SMARCAD1: variants seen among roughly 807,000 people sequenced by gnomAD.
SMARCAD1 encodes the protein SNF2 related chromatin remodeling ATPase with DExD box 1.
A neutral mutation model predicts 127.1 loss-of-function variants in SMARCAD1; 25 were observed. The observed-to-expected ratio is 0.20, with a 90% CI of 0.14 to 0.27. SMARCAD1 has a LOEUF of 0.27. Among genes scored for constraint, SMARCAD1 ranks in the 10% least tolerant of loss-of-function variants. SMARCAD1 has a pLI of 1.00. For missense variants in SMARCAD1, 807 were observed against 1,206.0 expected (o/e 0.67, Z 4.90); for synonymous variants, 400 against 396.9 (o/e 1.01, Z -0.09).
chr4:94,280,528 C>G, intron 19 of SMARCAD1, 64 bp from the exon 20 acceptor site: 289 of 1,326,026 alleles, frequency 2.2e-4, no homozygotes, highest in Non-Finnish European at 2.8e-4. Context: ...TTTTATTAAA[C>G]TTTTCTCATC....
intron 2 of SMARCAD1, among the ~76,000 whole-genome samples, chr4:94,213,980 C>G (rs890506964): frequency 6.6e-6 from 1 of 152,040 alleles, no homozygotes; most frequent in African/African-American, 2.4e-5. Flanking sequence ...TGAAGGATGA[C>G]TAGAATAGTC....
intron 7 of SMARCAD1, among the ~76,000 whole-genome samples, chr4:94,250,224 T>C (rs1749081474): frequency 6.6e-6 from 1 of 152,030 alleles, no homozygotes; most frequent in African/African-American, 2.4e-5. Context: ...ACGCATCCTG[T>C]TGCTAAAAGG....
chr4:94,236,996 C>T lies in SMARCAD1; in HGVS notation c.582C>T (p.Ala194=). ...CTATGGATGGAGCAATTGCTGCTGC[C>T]TTGCTGATGTTTGGTGATGCAGGTA... The part of the protein sequence containing the change: ...TSTMDGAIAA[A]LLMFGDAGGG... Residue 194 remains alanine, a synonymous_variant, in exon 5 of 24, where the codon GCC becomes GCT. Transcript: ENST00000354268. The T allele has an allele frequency of 1.9e-6, 3 of 1,613,450 alleles. No individual in the cohort carries two copies. In the South Asian group the frequency reaches 3.3e-5, roughly 18 times the overall value.
At chr4:94,263,630 C>T (rs1751333623) in intron 9 of SMARCAD1, among the ~76,000 whole-genome samples, 1 of 151,956 alleles carries the variant, frequency 6.6e-6, no homozygotes, top group Admixed American at 6.6e-5. Flanking sequence ...CACTTAATTA[C>T]TATTGCTTGA....
chr4:94,218,023 G>A (rs911685992), intron 2 of SMARCAD1, among the ~76,000 whole-genome samples: 5 of 152,038 alleles, frequency 3.3e-5, no homozygotes, highest in Non-Finnish European at 5.9e-5. Context: ...TCTACATCTT[G>A]TTTATTTTTG....
intron 2 of SMARCAD1, among the ~76,000 whole-genome samples, chr4:94,223,734 ATTTTTTTTTTTT>A (rs944591007): frequency 1.0e-5 from 1 of 100,156 alleles, no homozygotes; most frequent in African/African-American, 3.7e-5. Flanking sequence ...CTCCCGGCTA[ATTTTTTTTTTTT>A]TTTTTTTTTT....
intron 9 of SMARCAD1, among the ~76,000 whole-genome samples, chr4:94,262,986 A>G (rs1751242494): frequency 6.6e-6 from 1 of 151,426 alleles, no homozygotes; most frequent in South Asian, 2.1e-4. Context: ...TATTTTATTT[A>G]GGGAGGTACT....
intron 7 of SMARCAD1, among the ~76,000 whole-genome samples, chr4:94,249,984 C>T (rs1230976874): frequency 6.6e-6 from 1 of 151,850 alleles, no homozygotes; most frequent in Non-Finnish European, 1.5e-5. Flanking sequence ...TAAAAAATAA[C>T]CGTAATAAAA....
rs190258554 is a variant in SMARCAD1 at position 94,269,589 on chromosome 4, G to C, written c.1482-1139G>C. Among the ~76,000 whole-genome samples the C allele has an allele frequency of 1.3e-4, 19 of 151,484 alleles. No individual in the cohort carries two copies. The East Asian group carries it at 2.7e-3, about 22-fold the overall frequency. On this transcript the variant is annotated intron_variant, in intron 10 of 23. Coordinates refer to ENST00000354268, the MANE Select transcript of SMARCAD1 (RefSeq NM_020159.5). Reference sequence around the variant, plus strand: ...AGGTGATGTTTGAAAAATGATATCTGTGCCTATGTATAATAGATGTTCAAT... The same window carrying C: ...AGGTGATGTTTGAAAAATGATATCTCTGCCTATGTATAATAGATGTTCAAT...
chr4:94,211,987 A>G (rs917090707), intron 2 of SMARCAD1, among the ~76,000 whole-genome samples: 1 of 149,386 alleles, frequency 6.7e-6, no homozygotes, highest in Non-Finnish European at 1.5e-5. Context: ...ATTACATTAT[A>G]TAGTTGTGAC....
chr4:94,233,569 C>T (rs1232353032), intron 3 of SMARCAD1, among the ~76,000 whole-genome samples: 1 of 152,114 alleles, frequency 6.6e-6, no homozygotes, highest in African/African-American at 2.4e-5. Context: ...TCTTTGTATC[C>T]ATTTAATCTT....
chr4:94,252,619 T>C lies in SMARCAD1; in HGVS notation c.893T>C (p.Met298Thr), dbSNP rs372341021. 15 of 1,548,428 alleles carry C rather than the reference T, an allele frequency of 9.7e-6. No homozygotes were observed. Among genetic ancestry groups the C allele is most frequent in the South Asian group, 3.7e-5 (3 of 81,532 alleles). Reference sequence around the variant, plus strand: ...TGTTTTTGTCTTTTATATACAGATATGCAATATGTATCACAAAGTGAGGTT... The same window carrying C: ...TGTTTTTGTCTTTTATATACAGATACGCAATATGTATCACAAAGTGAGGTT... ...SLKVFAEDQD[M>T]QYVSQSEVPN... is the part of the protein sequence containing the mutation. Residue 298 changes from methionine to threonine, a missense_variant, in exon 9 of 24, where the codon ATG becomes ACG. Around this residue, in one of 8 missense-constraint regions of SMARCAD1, gnomAD observed 257 missense variants for 303.4 expected, o/e 0.85. Coordinates refer to ENST00000354268, the MANE Select transcript of SMARCAD1 (RefSeq NM_020159.5).
intron 2 of SMARCAD1, among the ~76,000 whole-genome samples, chr4:94,211,356 A>G (rs1237554030): frequency 2.6e-5 from 4 of 152,208 alleles, no homozygotes; most frequent in African/African-American, 9.6e-5. Flanking sequence ...ATTGCTGAGG[A>G]AGTGGGGATT....
At chr4:94,208,130 A>T (rs921302441) in intron 1 of SMARCAD1, 60 bp downstream of exon 1, 3 of 592,900 alleles carry the variant, frequency 5.1e-6, no homozygotes, top group Non-Finnish European at 9.4e-6. Flanking sequence ...CGGGCGGGGG[A>T]GGCGGACGAA....
At chr4:94,251,695 G>A (rs1749294015) in intron 8 of SMARCAD1, among the ~76,000 whole-genome samples, 1 of 152,100 alleles carries the variant, frequency 6.6e-6, no homozygotes, top group Non-Finnish European at 1.5e-5. Flanking sequence ...AAAAATTTCT[G>A]AATAAAGTAT....
At chr4:94,210,287 G>T (rs935122222) in intron 2 of SMARCAD1, among the ~76,000 whole-genome samples, 1 of 152,224 alleles carries the variant, frequency 6.6e-6, no homozygotes, top group Non-Finnish European at 1.5e-5. Flanking sequence ...GGAATGTTGA[G>T]AATTAATCCT....
At position 94,263,300 on chromosome 4, in the gene SMARCAD1, A is replaced by G. The variant is rs575273063; in HGVS notation, c.1282-1407A>G. ...CTATAATTTTTGGTTGCATTTAAAA[A>G]TAAAAGTATTTTAGCTAAAAGTTCT... On this transcript the variant is annotated intron_variant, in intron 9 of 23. Transcript: ENST00000354268. Among the ~76,000 whole-genome samples, 56 of 152,244 alleles carry G rather than the reference A, an allele frequency of 3.7e-4. 1 individual carries two copies. The highest frequency in any genetic ancestry group is 6.8e-3 in the Middle Eastern group (2 of 294).
chr4:94,226,507 ATTTTTTT>A (rs60198579), intron 3 of SMARCAD1, among the ~76,000 whole-genome samples: 6 of 112,990 alleles, frequency 5.3e-5, no homozygotes, highest in Non-Finnish European at 7.1e-5. Context: ...GATAACAGTG[ATTTTTTT>A]TTTTTTTTTT....
chr4:94,268,877 A>T (rs1322947325), intron 10 of SMARCAD1, among the ~76,000 whole-genome samples: 5 of 152,234 alleles, frequency 3.3e-5, no homozygotes, highest in Admixed American at 6.5e-5. Flanking sequence ...TCACCGTTAT[A>T]GTAGAAATAA....
Sources: gnomAD v4.1 joint callset for allele counts (sites outside exome capture counted in the v4.1 genomes callset) on GRCh38, gnomAD v4.1.1 for gene constraint, gnomAD v4.1.1 regional missense constraint, MANE v1.5 for transcripts, NCBI Gene and HGNC (gene_info 2026-07-23, HGNC 2026-07-21) for gene names.